The following CFAP299 variants were observed in gnomAD, a reference collection of about 807,000 sequenced individuals.
CFAP299 encodes cilia- and flagella-associated protein 299.
In CFAP299, 21 loss-of-function variants were observed where a neutral mutation model predicts 27.0. That is an observed-to-expected ratio of 0.78 (90% CI 0.55 to 1.12). The LOEUF is 1.12. Ranked by LOEUF, CFAP299 falls within the 50% of genes most tolerant of loss-of-function variation. The probability of loss-of-function intolerance (pLI) is 0.00; values close to 1 mark genes in which losing one functional copy is unlikely to be tolerated. For synonymous variants in CFAP299, 104 were observed against 98.1 expected, an observed-to-expected ratio of 1.06 and a Z score of -0.36; for missense variants, 310 against 276.6, an observed-to-expected ratio of 1.12 and a Z score of -0.86.
At chr4:80,728,046 T>C (rs1468798905) in intron 3 of CFAP299, among the ~76,000 whole-genome samples, 1 of 152,026 alleles carries the variant, frequency 6.6e-6, no homozygotes, top group Non-Finnish European at 1.5e-5. Flanking sequence ...TTTCTATAGA[T>C]GTCAGGGTTT....
At chr4:80,931,382 G>C (rs1260347815) in intron 4 of CFAP299, among the ~76,000 whole-genome samples, 1 of 152,088 alleles carries the variant, frequency 6.6e-6, no homozygotes, top group Non-Finnish European at 1.5e-5. Context: ...AGTTGAGTGG[G>C]AGGCATGATG....
chr4:80,914,529 G>A (rs1401638446), intron 4 of CFAP299, among the ~76,000 whole-genome samples: 1 of 152,066 alleles, frequency 6.6e-6, no homozygotes, highest in Non-Finnish European at 1.5e-5. Flanking sequence ...ACTGTATTCA[G>A]ACATTGAAAA....
At chr4:80,529,999 C>T (rs1172543009) in intron 2 of CFAP299, among the ~76,000 whole-genome samples, 4 of 152,080 alleles carry the variant, frequency 2.6e-5, no homozygotes, top group Non-Finnish European at 5.9e-5. Flanking sequence ...AAATAAATAA[C>T]ATGAGAGATG....
chr4:80,553,018 A>G (rs1025216745), intron 2 of CFAP299, among the ~76,000 whole-genome samples: 3 of 151,034 alleles, frequency 2.0e-5, no homozygotes, highest in East Asian at 1.9e-4. Context: ...TTAAAGTTTT[A>G]TTTTAGATTT....
At chr4:80,420,322 A>G in intron 2 of CFAP299, 1 of 425,992 alleles carries the variant, frequency 2.3e-6, no homozygotes. Context: ...CTCCCACAAA[A>G]GGCAAGTTTG....
Position 80,387,106 on chromosome 4 carries a change from C to T in CFAP299, c.242+24222C>T, listed in dbSNP as rs540916907. ...GTCTGCAGGTGATGCTCCAGGGCCT[C>T]TGGGGTGGATATTTGTTGACACGTT... On this transcript the variant is annotated intron_variant, in intron 2 of 5. Transcript: ENST00000358105. 4.8e-6 allele frequency: 7 copies of T among 1,445,688 alleles called. No individual in the cohort carries two copies. The East Asian group carries it at 1.6e-4, about 33-fold the overall frequency. 89.6% of individuals were successfully genotyped at this position (1,445,688 alleles called of 1,614,324 possible). A position where few individuals can be genotyped will look rare whatever the true frequency, so the allele number is the denominator to read the frequency against.
chr4:80,884,261 C>T (rs949476974), intron 4 of CFAP299, among the ~76,000 whole-genome samples: 1 of 152,150 alleles, frequency 6.6e-6, no homozygotes, highest in Admixed American at 6.5e-5. Context: ...CAGGATAGAT[C>T]ATGTCAGGCC....
chr4:80,613,206 T>G (rs1738089930), intron 3 of CFAP299, among the ~76,000 whole-genome samples: 1 of 152,112 alleles, frequency 6.6e-6, no homozygotes, highest in Non-Finnish European at 1.5e-5. Context: ...CCTATACCAG[T>G]TTAAATATTT....
rs866887676 is a variant in CFAP299, at chr4:80,799,232, T to C, written c.334-70761T>C. Among the ~76,000 whole-genome samples, 162 of 110,802 alleles carry C rather than the reference T, an allele frequency of 1.5e-3. 5 individuals carry two copies. Among genetic ancestry groups the C allele is most frequent in the African/African-American group, 5.6e-3 (140 of 25,148 alleles). 72.7% of individuals were successfully genotyped at this position (110,802 alleles called of 152,430 possible). A position where few individuals can be genotyped will look rare whatever the true frequency, so the allele number is the denominator to read the frequency against. Reference sequence around the variant, plus strand: ...TATATATTGTATAAATATATTTATATAATATTTATATATATTGTATAAATA... The same window carrying C: ...TATATATTGTATAAATATATTTATACAATATTTATATATATTGTATAAATA... On this transcript the variant is annotated intron_variant, in intron 3 of 5. Transcript: ENST00000358105.
At chr4:80,353,216 C>A (rs1658145634) in intron 1 of CFAP299, among the ~76,000 whole-genome samples, 1 of 152,178 alleles carries the variant, frequency 6.6e-6, no homozygotes, top group African/African-American at 2.4e-5. Context: ...CTTCTTGGGG[C>A]AGTTCTCTTT....
chr4:80,504,173 T>C (rs927227897), intron 2 of CFAP299, among the ~76,000 whole-genome samples: 1 of 151,594 alleles, frequency 6.6e-6, no homozygotes, highest in Non-Finnish European at 1.5e-5. Flanking sequence ...GAGTGACCAG[T>C]GTTCTGAGCG....
intron 3 of CFAP299, among the ~76,000 whole-genome samples, chr4:80,737,593 T>G (rs1476234339): frequency 1.3e-5 from 2 of 152,140 alleles, no homozygotes; most frequent in Non-Finnish European, 2.9e-5. Flanking sequence ...ATAGTAGCCA[T>G]TAATGATAAT....
intron 2 of CFAP299, among the ~76,000 whole-genome samples, chr4:80,422,747 G>C (rs1301474993): frequency 2.0e-5 from 3 of 152,112 alleles, no homozygotes; most frequent in Non-Finnish European, 4.4e-5. Context: ...GTGGCACTGG[G>C]GATGAGGCAG....
intron 4 of CFAP299, among the ~76,000 whole-genome samples, chr4:80,901,855 A>G (rs1578225127): frequency 1.3e-5 from 2 of 152,240 alleles, no homozygotes; most frequent in East Asian, 3.9e-4. Context: ...GTTTTAGAAC[A>G]GTTTTCATTT....
chr4:80,355,303 T>C (rs1421822852), intron 1 of CFAP299, among the ~76,000 whole-genome samples: 2 of 151,840 alleles, frequency 1.3e-5, no homozygotes, highest in Non-Finnish European at 2.9e-5. Flanking sequence ...TTTTAAAATG[T>C]GATTGTTGGT....
At chr4:80,644,170 A>G (rs1450995107) in intron 3 of CFAP299, among the ~76,000 whole-genome samples, 1 of 152,170 alleles carries the variant, frequency 6.6e-6, no homozygotes, top group Non-Finnish European at 1.5e-5. Flanking sequence ...TAATGTGCTT[A>G]TTGTGATCCC....
chr4:80,805,377 G>C (rs1374456805), intron 3 of CFAP299, among the ~76,000 whole-genome samples: 1 of 152,010 alleles, frequency 6.6e-6, no homozygotes, highest in Non-Finnish European at 1.5e-5. Context: ...AAATAAATAG[G>C]TATTTTTTCC....
chr4:80,608,300 C>G (rs143211411), intron 3 of CFAP299: 21,281 of 1,437,584 alleles, frequency 0.015, 234 homozygotes, highest in Non-Finnish European at 0.017. Flanking sequence ...TGGAATACAC[C>G]TCAGTTGGAT....
At chr4:80,408,311 T>C (rs963804551) in intron 2 of CFAP299, among the ~76,000 whole-genome samples, 21 of 152,246 alleles carry the variant, frequency 1.4e-4, no homozygotes, top group Non-Finnish European at 2.9e-5. Context: ...GCCATTCAAC[T>C]ATTTTAAAAG....
Sources: gnomAD v4.1 joint callset for allele counts (sites outside exome capture counted in the v4.1 genomes callset) on GRCh38, gnomAD v4.1.1 for gene constraint, MANE v1.5 for transcripts, NCBI Gene and HGNC (gene_info 2026-07-23, HGNC 2026-07-21) for gene names.